SASH1: variants seen among roughly 807,000 people sequenced by gnomAD.
SASH1 encodes the protein SAM and SH3 domain-containing protein 1.
Under a neutral mutation model 125.2 loss-of-function variants are expected in SASH1, and 44 were observed. The ratio of observed to expected loss-of-function variants is 0.35; its 90% CI spans 0.28 to 0.45. The LOEUF (loss-of-function observed/expected upper bound fraction) is 0.45. Ranked by LOEUF, SASH1 falls within the 20% of genes least tolerant of loss-of-function variation. The pLI is 1.00. For synonymous variants in SASH1, 639 were observed against 649.1 expected (o/e 0.98, Z 0.24); for missense variants, 1,426 against 1,614.5 (o/e 0.88, Z 2.00).
the SASH1 span, among the ~76,000 whole-genome samples, chr6:148,243,911 CA>C: frequency 6.6e-6 from 1 of 152,040 alleles, no homozygotes; most frequent in Non-Finnish European, 1.5e-5. Context: ...GGAGACTTGC[CA>C]TGTGGGAAGC....
At chr6:148,363,130 C>G (rs9485287) in intron 1 of SASH1, among the ~76,000 whole-genome samples, 1 of 151,908 alleles carries the variant, frequency 6.6e-6, no homozygotes, top group Non-Finnish European at 1.5e-5. Flanking sequence ...TGCAAAGGAA[C>G]CTTGGTGGTG....
intron 4 of SASH1, among the ~76,000 whole-genome samples, chr6:148,449,745 G>A (rs1363013913): frequency 7.2e-5 from 11 of 152,180 alleles, no homozygotes. Flanking sequence ...TGCAGCCTGG[G>A]AAGTTCAAGA....
At chr6:148,300,703 G>A (rs1360988561) in intron 1 of SASH1, among the ~76,000 whole-genome samples, 2 of 151,770 alleles carry the variant, frequency 1.3e-5, no homozygotes, top group Admixed American at 6.6e-5. Flanking sequence ...GGCTGGTCTC[G>A]AACTCCTGAC....
At chr6:148,351,818 G>T (rs867867512) in intron 1 of SASH1, among the ~76,000 whole-genome samples, 1 of 104,674 alleles carries the variant, frequency 9.6e-6, no homozygotes. Context: ...TTATGTGTGT[G>T]TGTGCTTTAA....
chr6:148,532,295 T>C lies in SASH1; in HGVS notation c.1565-502T>C, dbSNP rs547691620. 3.3e-5 allele frequency among the ~76,000 whole-genome samples: 5 copies of C among 152,258 alleles called. No homozygotes were observed. The highest frequency in any genetic ancestry group is 9.6e-5 in the African/African-American group (4 of 41,552). On this transcript the variant is annotated intron_variant, in intron 13 of 19. Transcript: ENST00000367467. The surrounding 1 kb of genome is among the most constrained non-coding windows in gnomAD (Gnocchi z 4.7). ...ATGTAGCCCAGGCTGGTGGAACTCC[T>C]GGACTCAAGCGATCTGCCCACCTCG... is the stretch of plus-strand genomic sequence containing the variant.
At chr6:148,499,199 A>T (rs962031467) in intron 8 of SASH1, among the ~76,000 whole-genome samples, 1 of 151,972 alleles carries the variant, frequency 6.6e-6, no homozygotes, top group Non-Finnish European at 1.5e-5. Flanking sequence ...ATATTTTAAC[A>T]CAACCAAATT....
At chr6:148,200,703 A>G in the SASH1 span, among the ~76,000 whole-genome samples, 1 of 152,228 alleles carries the variant, frequency 6.6e-6, no homozygotes, top group African/African-American at 2.4e-5. Flanking sequence ...TACTTTTTGC[A>G]TAGTAACACT....
the SASH1 span, among the ~76,000 whole-genome samples, chr6:148,249,799 G>A: frequency 2.6e-5 from 4 of 152,122 alleles, no homozygotes; most frequent in South Asian, 6.2e-4. Flanking sequence ...AGACAAACAG[G>A]GGTTAAGTAA....
chr6:148,257,608 A>G, the SASH1 span, among the ~76,000 whole-genome samples: 310 of 149,408 alleles, frequency 2.1e-3, no homozygotes, highest in African/African-American at 7.3e-3. Flanking sequence ...TACACATGCT[A>G]TATTGTCATT....
At chr6:148,235,438 CT>C in the SASH1 span, among the ~76,000 whole-genome samples, 1 of 152,156 alleles carries the variant, frequency 6.6e-6, no homozygotes, top group Non-Finnish European at 1.5e-5. Flanking sequence ...GGAGGCATAG[CT>C]AACACTATTA....
intron 1 of SASH1, among the ~76,000 whole-genome samples, chr6:148,310,446 T>G (rs1160742513): frequency 6.7e-6 from 1 of 149,766 alleles, no homozygotes; most frequent in East Asian, 1.9e-4. Context: ...AAAAAATAGA[T>G]TGTAGACCTC....
the SASH1 span, among the ~76,000 whole-genome samples, chr6:148,252,400 A>C: frequency 6.6e-6 from 1 of 152,064 alleles, no homozygotes; most frequent in Non-Finnish European, 1.5e-5. Flanking sequence ...TAATTCAAAA[A>C]CAACAGCTAC....
At chr6:148,206,832 A>ACAC in the SASH1 span, among the ~76,000 whole-genome samples, 2,503 of 84,634 alleles carry the variant, frequency 0.03, 26 homozygotes, top group East Asian at 0.092. Flanking sequence ...CACACACACA[A>ACAC]ATTAACATAA....
intron 4 of SASH1, among the ~76,000 whole-genome samples, chr6:148,443,585 G>C (rs986709585): frequency 1.7e-5 from 2 of 115,072 alleles, no homozygotes; most frequent in African/African-American, 6.7e-5. Flanking sequence ...TTACCTGTTG[G>C]TTTTAGATTC....
chr6:148,396,943 G>C (rs1320502591), intron 2 of SASH1, among the ~76,000 whole-genome samples: 1 of 152,144 alleles, frequency 6.6e-6, no homozygotes, highest in African/African-American at 2.4e-5. Context: ...GTTCCTTTCT[G>C]TTCTGAGTTG....
At chr6:148,545,247 A>C (rs904944572) in intron 18 of SASH1, among the ~76,000 whole-genome samples, 1 of 152,220 alleles carries the variant, frequency 6.6e-6, no homozygotes, top group African/African-American at 2.4e-5. Context: ...TACCAATACC[A>C]AGTGACTCCA....
intron 1 of SASH1, among the ~76,000 whole-genome samples, chr6:148,322,969 A>C (rs73007550): frequency 1 from 141,190 of 141,284 alleles, 70,548 homozygotes; most frequent in Middle Eastern, 1. Context: ...CTCCCTCTCT[A>C]CTTCCCTCCC....
intron 12 of SASH1, among the ~76,000 whole-genome samples, chr6:148,530,658 G>A (rs772421961): frequency 6.6e-6 from 1 of 152,140 alleles, no homozygotes; most frequent in Admixed American, 6.5e-5. Flanking sequence ...GTGTGGCTGC[G>A]GCCATATGTA....
chr6:148,353,127 G>A (rs922004002), intron 1 of SASH1, among the ~76,000 whole-genome samples: 6 of 152,030 alleles, frequency 3.9e-5, no homozygotes, highest in South Asian at 4.1e-4. Context: ...GGAGTGCAGT[G>A]GTGTAATCAA....
Sources: allele counts gnomAD v4.1 joint callset (sites outside exome capture counted in the v4.1 genomes callset), GRCh38; gene constraint gnomAD v4.1.1; non-coding constraint Gnocchi (gnomAD v3.1); transcripts MANE v1.5; gene names NCBI Gene and HGNC (gene_info 2026-07-23, HGNC 2026-07-21).